Variants in ERBB4 observed in about 807,000 individuals in gnomAD.
ERBB4 encodes erb-b2 receptor tyrosine kinase 4.
ERBB4 carries 42 observed loss-of-function variants against 158.0 expected under a neutral mutation model. That is an observed-to-expected ratio of 0.27 (90% CI 0.21 to 0.34). The LOEUF is 0.34. Ranked by LOEUF, ERBB4 falls within the 10% of genes least tolerant of loss-of-function variation. The pLI is 1.00. For synonymous variants in ERBB4, 583 were observed against 558.7 expected (o/e 1.04, Z -0.61); for missense variants, 1,333 against 1,624.1 (o/e 0.82, Z 3.08).
Position 212,391,911 on chromosome 2 carries a change from AT to A in ERBB4, c.82+146537del, listed in dbSNP as rs59073664. Among the ~76,000 whole-genome samples the A allele has an allele frequency of 6.2e-3, 937 of 150,644 alleles. 8 individuals carry two copies. The highest frequency in any genetic ancestry group is 0.022 in the African/African-American group (891 of 41,258). On this transcript the variant is annotated intron_variant, in intron 1 of 27. Transcript: ENST00000342788. ...ACAGTCAGAAACAAGACTCCCCAAA[AT>A]TGACAAAATAAATAAAATAAGCAAT...
intron 20 of ERBB4, among the ~76,000 whole-genome samples, chr2:211,556,001 G>T (rs1289213683): frequency 6.6e-6 from 1 of 152,104 alleles, no homozygotes; most frequent in Non-Finnish European, 1.5e-5. Context: ...TGGGCTAAAT[G>T]CCCCAATTAA....
At chr2:212,029,499 G>C (rs966862319) in intron 2 of ERBB4, among the ~76,000 whole-genome samples, 23 of 152,078 alleles carry the variant, frequency 1.5e-4, no homozygotes, top group Admixed American at 5.2e-4. Flanking sequence ...TGATATCTGT[G>C]TATGTTTTTA....
chr2:212,358,666 C>T (rs2089560506), intron 1 of ERBB4, among the ~76,000 whole-genome samples: 2 of 151,640 alleles, frequency 1.3e-5, no homozygotes, highest in Admixed American at 6.6e-5. Context: ...ATTTAAGTAA[C>T]ATGAAAAATG....
chr2:211,870,332 T>C (rs898418104), intron 3 of ERBB4, among the ~76,000 whole-genome samples: 8 of 152,182 alleles, frequency 5.3e-5, no homozygotes, highest in African/African-American at 1.9e-4. Flanking sequence ...TGTCTTTACA[T>C]TTTCAATTTA....
intron 1 of ERBB4, among the ~76,000 whole-genome samples, chr2:212,385,301 G>T (rs1013211770): frequency 6.6e-6 from 1 of 151,712 alleles, no homozygotes; most frequent in Non-Finnish European, 1.5e-5. Flanking sequence ...TTTGATAAAG[G>T]TATTCAAATA....
At chr2:212,239,088 C>G (rs914308665) in intron 1 of ERBB4, among the ~76,000 whole-genome samples, 3 of 152,168 alleles carry the variant, frequency 2.0e-5, no homozygotes, top group African/African-American at 7.2e-5. Context: ...GGGTCTTGCT[C>G]TGTTGCCCAG....
intron 7 of ERBB4, among the ~76,000 whole-genome samples, chr2:211,719,682 C>T (rs1028231094): frequency 1.3e-5 from 2 of 151,842 alleles, no homozygotes; most frequent in South Asian, 4.2e-4. Context: ...AGTGAAACCC[C>T]GTCTCTACTA....
At chr2:211,537,798 A>G (rs1029236163) in intron 20 of ERBB4, among the ~76,000 whole-genome samples, 1 of 151,982 alleles carries the variant, frequency 6.6e-6, no homozygotes, top group African/African-American at 2.4e-5. Flanking sequence ...AGAAAAATCA[A>G]GATTGAAGTT....
chr2:212,088,650 C>G (rs1486145464), intron 2 of ERBB4, among the ~76,000 whole-genome samples: 2 of 152,002 alleles, frequency 1.3e-5, no homozygotes, highest in African/African-American at 4.8e-5. Context: ...TCAAGAAACA[C>G]CATTGCCAGT....
At chr2:211,748,573 G>A (rs2075039716) in intron 5 of ERBB4, among the ~76,000 whole-genome samples, 1 of 152,164 alleles carries the variant, frequency 6.6e-6, no homozygotes, top group African/African-American at 2.4e-5. Flanking sequence ...CAGATCTATG[G>A]TGAGTCCCTC....
At chr2:211,791,123 A>C (rs2106324835) in intron 3 of ERBB4, among the ~76,000 whole-genome samples, 1 of 152,056 alleles carries the variant, frequency 6.6e-6, no homozygotes, top group African/African-American at 2.4e-5. Context: ...ACCTGTAAGA[A>C]AGTTCTTAGA....
chr2:211,706,601 C>CAA (rs201615846), intron 9 of ERBB4, among the ~76,000 whole-genome samples: 2,438 of 94,450 alleles, frequency 0.026, 47 homozygotes, highest in South Asian at 0.13. Context: ...CTTAAAAAAA[C>CAA]AAAAAAAAAA....
chr2:212,219,968 AAG>A (rs910626232), intron 1 of ERBB4, among the ~76,000 whole-genome samples: 3 of 151,020 alleles, frequency 2.0e-5, no homozygotes, highest in African/African-American at 7.3e-5. Flanking sequence ...AAAAAAAAAA[AAG>A]TGGGATTTTT....
chr2:212,331,076 A>ATATATATATATATACACG (rs1560037194), intron 1 of ERBB4, among the ~76,000 whole-genome samples: 3 of 129,964 alleles, frequency 2.3e-5, no homozygotes, highest in Admixed American at 8.0e-5. Flanking sequence ...ATATATACAC[A>ATATATATATATATACACG]TATATATATA....
chr2:211,595,722 G>A (rs947172345), intron 19 of ERBB4, among the ~76,000 whole-genome samples: 1 of 152,110 alleles, frequency 6.6e-6, no homozygotes, highest in Admixed American at 6.5e-5. Flanking sequence ...CAATACAGCT[G>A]ACCCTCTGTA....
In ERBB4 at chr2:212,484,255, T is replaced by G. The variant is rs1317922415; in HGVS notation, c.82+54194A>C. Among the ~76,000 whole-genome samples, 3 of 152,234 alleles carry G rather than the reference T, an allele frequency of 2.0e-5. No homozygotes were observed. The East Asian group carries it at 5.8e-4, about 29-fold the overall frequency. The stretch of plus-strand genomic sequence containing the variant: ...GAAGGGACAATAATAGAACGTAATC[T>G]AAAGTTCAGTCTTCCCTAAACTCAA... On this transcript the variant is annotated intron_variant, in intron 1 of 27. Transcript: ENST00000342788.
chr2:212,301,477 G>T (rs916857640), intron 1 of ERBB4, among the ~76,000 whole-genome samples: 11 of 151,336 alleles, frequency 7.3e-5, no homozygotes, highest in African/African-American at 2.7e-4. Context: ...CTTAATCTGT[G>T]TTATATCATG....
At chr2:211,439,990 A>G (rs2063938290) in intron 20 of ERBB4, among the ~76,000 whole-genome samples, 1 of 152,192 alleles carries the variant, frequency 6.6e-6, no homozygotes, top group Admixed American at 6.5e-5. Context: ...AGCTTTTAAA[A>G]CATCCATTTG....
intron 5 of ERBB4, among the ~76,000 whole-genome samples, chr2:211,727,959 T>C (rs2074318518): frequency 6.6e-6 from 1 of 151,954 alleles, no homozygotes; most frequent in Admixed American, 6.6e-5. Flanking sequence ...ACGTATATTT[T>C]GTATTTGCAA....
Sources: allele counts gnomAD v4.1 joint callset (sites outside exome capture counted in the v4.1 genomes callset), GRCh38; gene constraint gnomAD v4.1.1; transcripts MANE v1.5; gene names NCBI Gene and HGNC (gene_info 2026-07-23, HGNC 2026-07-21).